ARHGAP24: variants seen among roughly 807,000 people sequenced by gnomAD.
The protein encoded by ARHGAP24 is rho GTPase-activating protein 24.
Under a neutral mutation model 76.4 loss-of-function variants are expected in ARHGAP24, and 50 were observed. The ratio of observed to expected loss-of-function variants is 0.65; its 90% CI spans 0.52 to 0.83. The LOEUF is 0.83. ARHGAP24 is among the 40% of genes least tolerant of loss of function. ARHGAP24 has a pLI of 0.00. For missense variants in ARHGAP24, 930 were observed against 914.2 expected (o/e 1.02, Z -0.22); for synonymous variants, 345 against 323.3 (o/e 1.07, Z -0.72).
intron 3 of ARHGAP24, among the ~76,000 whole-genome samples, chr4:85,853,921 T>A (rs1470917551): frequency 2.0e-5 from 3 of 151,248 alleles, no homozygotes. Context: ...ACCACTGCAC[T>A]CCAGCCTGGC....
At chr4:85,475,633 AGGGGGCTGCGGGGGGCGGGG>A (rs1273227398) in intron 1 of ARHGAP24, 74 bp downstream of exon 1, 4 of 39,004 alleles carry the variant, frequency 1.0e-4, no homozygotes, top group Non-Finnish European at 2.5e-4. Flanking sequence ...GCGCCAGGGG[AGGGGGCTGCGGGGGGCGGGG>A]AGGGGGCTGC....
intron 1 of ARHGAP24, among the ~76,000 whole-genome samples, chr4:85,498,042 A>T (rs1723650005): frequency 1.3e-5 from 2 of 152,350 alleles, no homozygotes; most frequent in Non-Finnish European, 2.9e-5. Flanking sequence ...GTTAATAAAA[A>T]GTGTAGAGTC....
intron 7 of ARHGAP24, 108 bp downstream of exon 7, chr4:85,975,069 G>A: frequency 2.1e-6 from 2 of 943,582 alleles, no homozygotes; most frequent in Non-Finnish European, 3.4e-6. Flanking sequence ...GAGCCCTAGT[G>A]TTGGCCTCTG....
intron 3 of ARHGAP24, among the ~76,000 whole-genome samples, chr4:85,724,810 A>G (rs929239708): frequency 1.3e-5 from 2 of 152,112 alleles, no homozygotes; most frequent in Non-Finnish European, 2.9e-5. Context: ...GCCATGAGTT[A>G]TAGATTTTTC....
chr4:85,602,017 G>C (rs1196880702), intron 2 of ARHGAP24, among the ~76,000 whole-genome samples: 1 of 133,152 alleles, frequency 7.5e-6, no homozygotes. Flanking sequence ...AGAGAGCAGA[G>C]ATTAGTGAAC....
At chr4:85,541,338 A>G (rs2110123121) in intron 1 of ARHGAP24, among the ~76,000 whole-genome samples, 1 of 130,552 alleles carries the variant, frequency 7.7e-6, no homozygotes, top group East Asian at 2.0e-4. Flanking sequence ...TATTTTTAGT[A>G]GAGACGGGGT....
chr4:85,697,492 A>G (rs976607744), intron 2 of ARHGAP24, among the ~76,000 whole-genome samples: 1 of 151,618 alleles, frequency 6.6e-6, no homozygotes, highest in African/African-American at 2.4e-5. Context: ...AACTTAAAGT[A>G]TAATAATAAT....
Position 85,570,931 on chromosome 4 carries a change from T to C in ARHGAP24, c.180+210T>C, listed in dbSNP as rs986734409. The C allele has an allele frequency of 9.5e-6, 5 of 528,018 alleles. No individual in the cohort carries two copies. In the Admixed American group the frequency reaches 1.3e-4, roughly 14 times the overall value. 32.7% of individuals were successfully genotyped at this position (528,018 alleles called of 1,614,324 possible). On this transcript the variant is annotated intron_variant, in intron 2 of 9. Transcript: ENST00000395184. ...CAAGAGGCAAATTATACTTGTCTAA[T>C]ATTAATTTTAATATTTACTAAGCCA...
chr4:85,729,480 A>G (rs924260794), intron 3 of ARHGAP24, among the ~76,000 whole-genome samples: 2 of 152,182 alleles, frequency 1.3e-5, no homozygotes, highest in African/African-American at 4.8e-5. Flanking sequence ...ATTTCAACCA[A>G]CATACATTTG....
At chr4:85,824,308 A>C (rs1453016305) in intron 3 of ARHGAP24, among the ~76,000 whole-genome samples, 1 of 152,222 alleles carries the variant, frequency 6.6e-6, no homozygotes, top group Non-Finnish European at 1.5e-5. Flanking sequence ...GGCCTAAATA[A>C]AAAAGCCACA....
intron 1 of ARHGAP24, among the ~76,000 whole-genome samples, chr4:85,497,790 A>G (rs753043495): frequency 6.6e-6 from 1 of 152,188 alleles, no homozygotes; most frequent in Non-Finnish European, 1.5e-5. Context: ...ATTGCACTCC[A>G]GTCTGGGTGA....
intron 2 of ARHGAP24, among the ~76,000 whole-genome samples, chr4:85,627,066 C>T (rs961980048): frequency 4.6e-5 from 7 of 152,334 alleles, no homozygotes; most frequent in East Asian, 1.9e-4. Flanking sequence ...AAGCCTTCTT[C>T]TCTCAACTTG....
At chr4:85,539,520 A>C (rs1485137852) in intron 1 of ARHGAP24, among the ~76,000 whole-genome samples, 1 of 152,208 alleles carries the variant, frequency 6.6e-6, no homozygotes, top group Non-Finnish European at 1.5e-5. Context: ...ATATCAAAGT[A>C]CATATTGAGA....
At position 85,782,545 on chromosome 4, in the gene ARHGAP24, T is replaced by A. The variant is rs181941026; in HGVS notation, c.268+60573T>A. On this transcript the variant is annotated intron_variant, in intron 3 of 9. Transcript: ENST00000395184. The stretch of plus-strand genomic sequence containing the variant: ...CCAGAAGCCTCAGAATTCAGCCCCT[T>A]ATAAACTAGAATTCAGTGAGCAAGA... Among the ~76,000 whole-genome samples, 3 of 152,340 alleles carry A rather than the reference T, an allele frequency of 2.0e-5. No individual in the cohort carries two copies. The East Asian group carries it at 5.8e-4, about 29-fold the overall frequency.
chr4:85,772,361 G>A (rs1727163108), intron 3 of ARHGAP24, among the ~76,000 whole-genome samples: 1 of 152,168 alleles, frequency 6.6e-6, no homozygotes, highest in Admixed American at 6.5e-5. Context: ...GTCATCCACA[G>A]GGGGTATAAA....
chr4:85,704,233 C>T (rs1294736489), intron 2 of ARHGAP24, among the ~76,000 whole-genome samples: 4 of 152,086 alleles, frequency 2.6e-5, no homozygotes, highest in African/African-American at 9.7e-5. Context: ...TTAGTAGATC[C>T]ACTATGTACA....
At chr4:85,668,190 C>T (rs1276635028) in intron 2 of ARHGAP24, among the ~76,000 whole-genome samples, 1 of 152,190 alleles carries the variant, frequency 6.6e-6, no homozygotes, top group East Asian at 1.9e-4. Flanking sequence ...AACTTCCATT[C>T]AGTGTTTTAG....
chr4:85,502,420 A>C (rs138579830), intron 1 of ARHGAP24, among the ~76,000 whole-genome samples: 40,939 of 151,920 alleles, frequency 0.27, 5,826 homozygotes, highest in African/African-American at 0.37. Flanking sequence ...TTGTAGTTCT[A>C]CTTGAAGAGG....
At chr4:85,760,088 G>C (rs543024493) in intron 3 of ARHGAP24, among the ~76,000 whole-genome samples, 1 of 151,942 alleles carries the variant, frequency 6.6e-6, no homozygotes, top group East Asian at 1.9e-4. Context: ...TTTACTAAAT[G>C]ACATGTTAAA....
Sources: gnomAD v4.1 joint callset for allele counts (sites outside exome capture counted in the v4.1 genomes callset) on GRCh38, gnomAD v4.1.1 for gene constraint, MANE v1.5 for transcripts, NCBI Gene and HGNC (gene_info 2026-07-23, HGNC 2026-07-21) for gene names.